Variants in GAL3ST2 observed in about 807,000 individuals in gnomAD.
GAL3ST2 encodes galactose-3-O-sulfotransferase 2, also known as beta-galactose-3-O-sulfotransferase 2.
GAL3ST2 carries 16 observed loss-of-function variants against 12.9 expected under a neutral mutation model. The observed-to-expected ratio is 1.24, with a 90% CI of 0.84 to 1.88. GAL3ST2 has a LOEUF of 1.88. GAL3ST2 is among the 40% of genes most tolerant of loss of function. The pLI, the probability that GAL3ST2 is intolerant of heterozygous loss-of-function variation, is 0.00. For missense variants in GAL3ST2, 639 were observed against 571.8 expected, an observed-to-expected ratio of 1.12 and a Z score of -1.20; for synonymous variants, 302 against 273.9, an observed-to-expected ratio of 1.10 and a Z score of -1.01.
chr2:241,801,818 A>G lies in GAL3ST2; in HGVS notation c.157A>G (p.Asn53Asp). The G allele has an allele frequency of 6.2e-7, 1 of 1,612,816 alleles. No homozygotes were observed. The highest frequency in any genetic ancestry group is 1.1e-5 in the South Asian group (1 of 91,078). The part of the protein sequence containing the change: ...GGQAEGPPVT[N>D]IMFLKTHKTA... ...CCAGGCTGAGGGGCCGCCGGTCACC[A>G]ACATCATGTTCCTGAAGACGCACAA... is the stretch of plus-strand genomic sequence containing the variant. Residue 53 changes from asparagine (N) to aspartate (D), a missense_variant, in exon 3 of 4, where the codon AAC becomes GAC. By Grantham distance (23) the Asn-to-Asp change is conservative (BLOSUM62 1). Transcript: ENST00000192314. This position sits in a 1 kb window ranked among gnomAD's most constrained non-coding sequence, Gnocchi z 4.4.
Position 241,803,354 on chromosome 2 carries a change from G to C in GAL3ST2, c.385G>C (p.Val129Leu). 1 of 1,599,404 alleles carries C rather than the reference G, an allele frequency of 6.3e-7. No homozygotes were observed. Among genetic ancestry groups the C allele is most frequent in the Non-Finnish European group, 8.5e-7 (1 of 1,169,902 alleles). ...CTCTGTCGCCACACAGGTGCAGAAA[G>C]TCATGCCCAACGACACCTTCTACTT... is the stretch of plus-strand genomic sequence containing the variant. ...LRFNLPQVQK[V>L]MPNDTFYFSI... Residue 129 changes from valine to leucine, a missense_variant, in exon 4 of 4, where the codon GTC becomes CTC. Physicochemically the swap from Val to Leu is conservative, Grantham distance 32. Coordinates refer to ENST00000192314, the MANE Select transcript of GAL3ST2 (RefSeq NM_022134.3).
Position 241,802,767 on chromosome 2 carries a change from C to G in GAL3ST2, c.376-578C>G. On this transcript the variant is annotated intron_variant, in intron 3 of 3. Transcript: ENST00000192314. The surrounding 1 kb of genome is among the most constrained non-coding windows in gnomAD (Gnocchi z 4.8). ...CGGTGTAGTTGGGCGTGACTTTCTGCAAGACTTTACTTTCTGTGGGTGGGG... is the reference window on the plus strand; with the variant it reads ...CGGTGTAGTTGGGCGTGACTTTCTGGAAGACTTTACTTTCTGTGGGTGGGG... Among the ~76,000 whole-genome samples the G allele has an allele frequency of 6.6e-6, 1 of 152,062 alleles. No individual in the cohort carries two copies. The highest frequency in any genetic ancestry group is 1.9e-4 in the East Asian group (1 of 5,186).
intron 1 of GAL3ST2, among the ~76,000 whole-genome samples, chr2:241,786,089 C>T (rs1256695883): frequency 4.0e-5 from 6 of 151,572 alleles, no homozygotes; most frequent in Admixed American, 1.3e-4. Context: ...AAAAATATTT[C>T]CTCTTTTTTT....
intron 2 of GAL3ST2, among the ~76,000 whole-genome samples, chr2:241,799,902 G>A (rs954840506): frequency 2.0e-5 from 3 of 152,218 alleles, no homozygotes; most frequent in Non-Finnish European, 4.4e-5. Flanking sequence ...CCCACTGGGT[G>A]GGTGTCATGA....
chr2:241,803,417 T>G lies in GAL3ST2; in HGVS notation c.448T>G (p.Ser150Ala). Residue 150 changes from serine (S) to alanine (A), a missense_variant, in exon 4 of 4, where the codon TCC (serine) becomes GCC (alanine). Transcript: ENST00000192314. The part of the protein sequence containing the change: ...LRNPVFQLES[S>A]FIYYKTYAPA... ...GAACCCCGTGTTCCAGCTGGAGTCC[T>G]CCTTCATCTACTACAAAACCTACGC... 1 of 1,612,778 alleles carries G rather than the reference T, an allele frequency of 6.2e-7. No homozygotes were observed. Among genetic ancestry groups the G allele is most frequent in the Non-Finnish European group, 8.5e-7 (1 of 1,179,656 alleles).
chr2:241,785,873 C>T (rs897067585), intron 1 of GAL3ST2, among the ~76,000 whole-genome samples: 16 of 152,132 alleles, frequency 1.1e-4, no homozygotes, highest in Admixed American at 7.9e-4. Flanking sequence ...CACACACACA[C>T]ACACATCCCT....
rs1333957924 is a variant in GAL3ST2, at chr2:241,800,178, G to A, written c.119+1024G>A. On this transcript the variant is annotated intron_variant, in intron 2 of 3. Coordinates refer to ENST00000192314, the MANE Select transcript of GAL3ST2 (RefSeq NM_022134.3). This position sits in a 1 kb window ranked among gnomAD's most constrained non-coding sequence, Gnocchi z 5.2. ...TGGGGCTGAGGGTCTCTAGGTTGGG[G>A]TGCAGTGATGGGTCTGGTGGGGGTT... Among the ~76,000 whole-genome samples the A allele has an allele frequency of 6.6e-6, 1 of 152,196 alleles. No homozygotes were observed. The highest frequency in any genetic ancestry group is 1.5e-5 in the Non-Finnish European group (1 of 68,038).
At chr2:241,803,059 T>G (rs1370327336) in intron 3 of GAL3ST2, among the ~76,000 whole-genome samples, 3 of 152,084 alleles carry the variant, frequency 2.0e-5, no homozygotes, top group Admixed American at 6.5e-5. Flanking sequence ...TCCTCCTCCC[T>G]CCTCCTGCTC....
chr2:241,784,191 G>A (rs1347313114), intron 1 of GAL3ST2, among the ~76,000 whole-genome samples: 7 of 151,864 alleles, frequency 4.6e-5, no homozygotes, highest in Non-Finnish European at 1.0e-4. Context: ...TCACCACCAC[G>A]CCCGGTTAAT....
intron 1 of GAL3ST2, among the ~76,000 whole-genome samples, chr2:241,780,008 T>C (rs1426600725): frequency 6.6e-6 from 1 of 150,762 alleles, no homozygotes; most frequent in Admixed American, 6.6e-5. Context: ...AAGTGGCTTA[T>C]GTATGTAAAT....
chr2:241,799,456 C>G (rs1276766169), intron 2 of GAL3ST2, among the ~76,000 whole-genome samples: 1 of 152,208 alleles, frequency 6.6e-6, no homozygotes, highest in African/African-American at 2.4e-5. Context: ...TTGCTCCCCA[C>G]AACAGAGGTG....
chr2:241,787,935 A>C (rs1472379359), intron 1 of GAL3ST2, among the ~76,000 whole-genome samples: 1 of 152,130 alleles, frequency 6.6e-6, no homozygotes, highest in African/African-American at 2.4e-5. Context: ...AGGCCTCTCT[A>C]ATTTGGCTAA....
chr2:241,783,819 C>G (rs986984750), intron 1 of GAL3ST2, among the ~76,000 whole-genome samples: 13 of 152,304 alleles, frequency 8.5e-5, no homozygotes, highest in Admixed American at 3.9e-4. Flanking sequence ...TCCAGGCCAT[C>G]CTTGTTCATT....
chr2:241,799,626 C>A (rs73106174), intron 2 of GAL3ST2, among the ~76,000 whole-genome samples: 7,421 of 152,302 alleles, frequency 0.049, 242 homozygotes, highest in Admixed American at 0.056. Context: ...GTGCTCACCT[C>A]GCAGCCCAGC....
rs572642355 is a variant in GAL3ST2 at position 241,802,120 on chromosome 2, GAGA to G, written c.375+87_375+89del. On this transcript the variant is annotated intron_variant, in intron 3 of 3. Coordinates refer to ENST00000192314, the MANE Select transcript of GAL3ST2 (RefSeq NM_022134.3). The surrounding 1 kb of genome is among the most constrained non-coding windows in gnomAD (Gnocchi z 4.8). Reference sequence around the variant, plus strand: ...TGGGTGGTGTAGCCTGGAGGCTGGAGAGAAGGAGTGTAAGGCTTGGGGGCGGGG... The same window carrying G: ...TGGGTGGTGTAGCCTGGAGGCTGGAGAGGAGTGTAAGGCTTGGGGGCGGGG... 3.9e-4 allele frequency: 566 copies of G among 1,468,134 alleles called. 1 individual carries two copies. In the African/African-American group the frequency reaches 6.8e-3, roughly 18 times the overall value. 90.9% of individuals were successfully genotyped at this position (1,468,134 alleles called of 1,614,324 possible). A position where few individuals can be genotyped will look rare whatever the true frequency, so the allele number is the denominator to read the frequency against.
chr2:241,796,517 C>T (rs944169150), intron 1 of GAL3ST2, among the ~76,000 whole-genome samples: 2 of 150,512 alleles, frequency 1.3e-5, no homozygotes, highest in Non-Finnish European at 1.5e-5. Flanking sequence ...GGAACTGAGT[C>T]GTCACCCCAT....
intron 1 of GAL3ST2, among the ~76,000 whole-genome samples, chr2:241,792,898 C>T (rs1699710754): frequency 6.6e-6 from 1 of 152,184 alleles, no homozygotes. Context: ...CTGACTGCCT[C>T]CTTTGGAGAG....
At position 241,802,290 on chromosome 2, in the gene GAL3ST2, G is replaced by A. The variant is rs984052639; in HGVS notation, c.375+254G>A. On this transcript the variant is annotated intron_variant, in intron 3 of 3. Transcript: ENST00000192314. This position sits in a 1 kb window ranked among gnomAD's most constrained non-coding sequence, Gnocchi z 4.8. ...GCCCCTGCCCAAGGGCGTCCCCAGC[G>A]CTCCCCCGCTTCTCTGGCCTCCTAG... Among the ~76,000 whole-genome samples the A allele has an allele frequency of 1.3e-5, 2 of 152,176 alleles. No homozygotes were observed. The highest frequency in any genetic ancestry group is 6.5e-5 in the Admixed American group (1 of 15,276).
intron 1 of GAL3ST2, among the ~76,000 whole-genome samples, chr2:241,779,918 G>C (rs1030592893): frequency 5.3e-5 from 8 of 151,898 alleles, no homozygotes; most frequent in African/African-American, 1.9e-4. Context: ...CCTGGGAAGC[G>C]GAGGTTGCGG....
Sources: gnomAD v4.1 joint callset for allele counts (sites outside exome capture counted in the v4.1 genomes callset) on GRCh38, gnomAD v4.1.1 for gene constraint, Gnocchi (gnomAD v3.1) non-coding constraint, MANE v1.5 for transcripts, NCBI Gene and HGNC (gene_info 2026-07-23, HGNC 2026-07-21) for gene names.